The following GUCY2C variants were observed in gnomAD, a reference collection of about 807,000 sequenced individuals.
GUCY2C encodes guanylate cyclase 2C.
In GUCY2C, 118 loss-of-function variants were observed where a neutral mutation model predicts 131.1. The observed-to-expected ratio is 0.90, with a 90% CI of 0.78 to 1.05. The LOEUF is 1.05. GUCY2C is among the 50% of genes least tolerant of loss of function. The pLI, the probability that GUCY2C is intolerant of heterozygous loss-of-function variation, is 0.00. For missense variants in GUCY2C, 1,161 were observed against 1,304.4 expected (o/e 0.89, Z 1.69); for synonymous variants, 452 against 457.8 (o/e 0.99, Z 0.16).
chr12:14,686,361 A>G, intron 2 of GUCY2C, 136 bp from the exon 3 acceptor site: 2 of 662,084 alleles, frequency 3.0e-6, no homozygotes, highest in Middle Eastern at 2.5e-4. Flanking sequence ...AGAGCAACAT[A>G]GGGTGCCTTG....
intron 10 of GUCY2C, among the ~76,000 whole-genome samples, chr12:14,668,309 T>C (rs923904574): frequency 6.6e-6 from 1 of 152,180 alleles, no homozygotes; most frequent in Non-Finnish European, 1.5e-5. Flanking sequence ...TAGCTAGGAT[T>C]ATAGGCACGC....
At chr12:14,670,670 A>T (rs1445571383) in intron 9 of GUCY2C, among the ~76,000 whole-genome samples, 2 of 151,520 alleles carry the variant, frequency 1.3e-5, no homozygotes, top group South Asian at 2.1e-4. Context: ...GTCTCACGAG[A>T]TCTGATGGTT....
At position 14,613,513 on chromosome 12, in the gene GUCY2C, T is replaced by G. The variant is rs1946693898; in HGVS notation, c.3048-222A>C. 1.3e-5 allele frequency among the ~76,000 whole-genome samples: 2 copies of G among 152,102 alleles called. No individual in the cohort carries two copies. The highest frequency in any genetic ancestry group is 4.8e-5 in the African/African-American group (2 of 41,422). The stretch of plus-strand genomic sequence containing the variant: ...AGGCTTCAATTTCAAAGTGAAACAA[T>G]ATGCTGCTGGAATTTGGAGGCATGG... On this transcript the variant is annotated intron_variant, in intron 26 of 26. Coordinates refer to ENST00000261170, the MANE Select transcript of GUCY2C (RefSeq NM_004963.4). The surrounding 1 kb of genome is among the most constrained non-coding windows in gnomAD (Gnocchi z 4.9).
At chr12:14,633,282 A>T (rs555353575) in intron 19 of GUCY2C, among the ~76,000 whole-genome samples, 2 of 152,258 alleles carry the variant, frequency 1.3e-5, no homozygotes, top group East Asian at 3.9e-4. Context: ...ATGACATCCT[A>T]ACCCATTAGG....
At chr12:14,664,355 C>T (rs1188478077) in intron 10 of GUCY2C, among the ~76,000 whole-genome samples, 3 of 151,836 alleles carry the variant, frequency 2.0e-5, no homozygotes, top group Non-Finnish European at 4.4e-5. Context: ...GTAGATAATC[C>T]CACTCACTGG....
chr12:14,640,395 T>C (rs1327515149), intron 18 of GUCY2C, among the ~76,000 whole-genome samples: 2 of 146,078 alleles, frequency 1.4e-5, no homozygotes, highest in Non-Finnish European at 3.0e-5. Flanking sequence ...AGGCAGAGGT[T>C]GCAATGAGCC....
At chr12:14,643,143 C>T (rs2137023287) in intron 17 of GUCY2C, among the ~76,000 whole-genome samples, 1 of 152,300 alleles carries the variant, frequency 6.6e-6, no homozygotes, top group Non-Finnish European at 1.5e-5. Flanking sequence ...TATTACCACA[C>T]ATAAATGAAT....
chr12:14,683,370 C>T (rs1384020708), intron 3 of GUCY2C, 113 bp from the exon 4 acceptor site: 16 of 679,548 alleles, frequency 2.4e-5, no homozygotes, highest in Middle Eastern at 2.8e-4. Context: ...AGAATGAAAT[C>T]GGATCATTAA....
intron 5 of GUCY2C, among the ~76,000 whole-genome samples, chr12:14,680,613 G>A (rs1948329680): frequency 1.3e-5 from 2 of 152,144 alleles, no homozygotes; most frequent in Admixed American, 6.5e-5. Flanking sequence ...ATTCTTGTTT[G>A]TCAAGAGAAT....
At chr12:14,649,765 G>A (rs578094169) in intron 15 of GUCY2C, among the ~76,000 whole-genome samples, 6 of 151,976 alleles carry the variant, frequency 3.9e-5, no homozygotes, top group Non-Finnish European at 7.4e-5. Flanking sequence ...AATTAGAAAC[G>A]TTTTTCACAT....
chr12:14,613,366 C>T lies in GUCY2C; in HGVS notation c.3048-75G>A. 1 of 1,122,964 alleles carries T rather than the reference C, an allele frequency of 8.9e-7. No individual in the cohort carries two copies. The highest frequency in any genetic ancestry group is 1.3e-6 in the Non-Finnish European group (1 of 741,964). The allele number at this position is 1,122,964 out of a possible 1,614,324, so 69.6% of individuals were successfully genotyped here. On this transcript the variant is annotated intron_variant, in intron 26 of 26. Coordinates refer to ENST00000261170, the MANE Select transcript of GUCY2C (RefSeq NM_004963.4). This position sits in a 1 kb window ranked among gnomAD's most constrained non-coding sequence, Gnocchi z 4.9. ...GAATATTCCTTAGCTCCAGAATAAT[C>T]AGTTCAGTTAGTCAGTTACTCTTTG...
intron 1 of GUCY2C, among the ~76,000 whole-genome samples, chr12:14,694,510 G>A (rs947828746): frequency 4.6e-5 from 7 of 152,154 alleles, no homozygotes; most frequent in Non-Finnish European, 1.0e-4. Context: ...GACTAACCCA[G>A]GATCACAGAG....
intron 16 of GUCY2C, 67 bp downstream of exon 16, chr12:14,645,162 G>A (rs955360947): frequency 8.8e-5 from 75 of 854,464 alleles, no homozygotes; most frequent in Non-Finnish European, 1.1e-4. Flanking sequence ...ACAGAAGGTT[G>A]AATAACTTGT....
rs186625774 is a variant in GUCY2C at position 14,672,053 on chromosome 12, A to G, written c.1170+820T>C. Among the ~76,000 whole-genome samples, 226 of 149,526 alleles carry G rather than the reference A, an allele frequency of 1.5e-3. 1 individual carries two copies. Among genetic ancestry groups the G allele is most frequent in the Admixed American group, 7.1e-3 (104 of 14,728 alleles). On this transcript the variant is annotated intron_variant, in intron 9 of 26. Transcript: ENST00000261170. Reference sequence around the variant, plus strand: ...GATGTACACATTTAGTATATGACTTAGACTGTCATAACACTCACATTGGAA... The same window carrying G: ...GATGTACACATTTAGTATATGACTTGGACTGTCATAACACTCACATTGGAA...
At chr12:14,644,729 G>T (rs1055505518) in intron 16 of GUCY2C, among the ~76,000 whole-genome samples, 2 of 146,598 alleles carry the variant, frequency 1.4e-5, no homozygotes, top group African/African-American at 5.2e-5. Context: ...TAAAGTTGAG[G>T]ATTCAGTTGT....
At chr12:14,688,351 TA>T (rs930037502) in intron 1 of GUCY2C, among the ~76,000 whole-genome samples, 5 of 152,176 alleles carry the variant, frequency 3.3e-5, no homozygotes, top group African/African-American at 1.2e-4. Flanking sequence ...TGACTTTTAG[TA>T]AATATATATA....
At chr12:14,631,794 A>C (rs1393059299) in intron 19 of GUCY2C, among the ~76,000 whole-genome samples, 1 of 150,422 alleles carries the variant, frequency 6.6e-6, no homozygotes, top group Non-Finnish European at 1.5e-5. Flanking sequence ...TAGATCCCTG[A>C]GGAATTGCCA....
intron 15 of GUCY2C, among the ~76,000 whole-genome samples, chr12:14,649,277 T>A (rs73048743): frequency 0.02 from 3,000 of 152,298 alleles, 43 homozygotes; most frequent in Middle Eastern, 0.037. Flanking sequence ...AATATATTTC[T>A]TACTATATCA....
intron 6 of GUCY2C, among the ~76,000 whole-genome samples, chr12:14,678,062 C>T (rs377183850): frequency 2.0e-5 from 3 of 152,220 alleles, no homozygotes; most frequent in South Asian, 4.1e-4. Context: ...GCTATCCTCC[C>T]GCCTCAGCTT....
Sources: allele counts gnomAD v4.1 joint callset (sites outside exome capture counted in the v4.1 genomes callset), GRCh38; gene constraint gnomAD v4.1.1; non-coding constraint Gnocchi (gnomAD v3.1); transcripts MANE v1.5; gene names NCBI Gene and HGNC (gene_info 2026-07-23, HGNC 2026-07-21).